MEGF10: variants seen among roughly 807,000 people sequenced by gnomAD.
MEGF10 encodes multiple EGF like domains 10.
MEGF10 carries 86 observed loss-of-function variants against 147.5 expected under a neutral mutation model. The ratio of observed to expected loss-of-function variants is 0.58; its 90% CI spans 0.49 to 0.70. MEGF10 has a LOEUF of 0.70. MEGF10 is among the 30% of genes least tolerant of loss of function. MEGF10 has a pLI of 0.00. For missense variants in MEGF10, 1,329 were observed against 1,487.3 expected (o/e 0.89, Z 1.75); for synonymous variants, 478 against 525.5 (o/e 0.91, Z 1.24).
chr5:127,373,163 T>C (rs1447198107), intron 5 of MEGF10, among the ~76,000 whole-genome samples: 1 of 152,210 alleles, frequency 6.6e-6, no homozygotes, highest in Non-Finnish European at 1.5e-5. Flanking sequence ...TTTTTTTGTT[T>C]TGTTTTTAGA....
chr5:127,243,029 T>C, the MEGF10 span, among the ~76,000 whole-genome samples: 1 of 152,096 alleles, frequency 6.6e-6, no homozygotes, highest in African/African-American at 2.4e-5. Context: ...CAAAACTGAG[T>C]TATATATTAA....
intron 4 of MEGF10, among the ~76,000 whole-genome samples, chr5:127,369,699 G>T (rs2126860466): frequency 6.6e-6 from 1 of 152,324 alleles, no homozygotes; most frequent in East Asian, 1.9e-4. Flanking sequence ...TAGTAGAAAT[G>T]ATGGGATTTA....
chr5:127,414,414 T>C (rs1230306288), intron 9 of MEGF10, among the ~76,000 whole-genome samples: 1 of 152,058 alleles, frequency 6.6e-6, no homozygotes, highest in Non-Finnish European at 1.5e-5. Context: ...CTCAGCACAT[T>C]GCTGAGACTT....
chr5:127,373,381 A>T (rs1005879107), intron 5 of MEGF10, among the ~76,000 whole-genome samples: 18 of 152,114 alleles, frequency 1.2e-4, no homozygotes, highest in African/African-American at 4.3e-4. Flanking sequence ...TGAAGTCCTG[A>T]CCTCAGTTGA....
At chr5:127,247,343 A>C in the MEGF10 span, among the ~76,000 whole-genome samples, 1 of 2,164 alleles carries the variant, frequency 4.6e-4, no homozygotes, top group Admixed American at 9.8e-3. Context: ...AAGAAGAAGA[A>C]GAAGAAGAAG....
the MEGF10 span, among the ~76,000 whole-genome samples, chr5:127,258,290 G>C: frequency 6.6e-6 from 1 of 152,094 alleles, no homozygotes; most frequent in Non-Finnish European, 1.5e-5. Flanking sequence ...TAAGAGTTTG[G>C]AATACAAATG....
the MEGF10 span, among the ~76,000 whole-genome samples, chr5:127,238,914 G>A: frequency 2.6e-5 from 4 of 151,350 alleles, no homozygotes; most frequent in Admixed American, 1.3e-4. Flanking sequence ...GAACTCAATA[G>A]GTTAGAAAAG....
chr5:127,435,477 G>T lies in MEGF10; in HGVS notation c.2092G>T (p.Asp698Tyr). ...GTGTTACCCCGGTTGGATTGGCAGTGACTGCTCTCAACGTAAGTCTTGTTT... is the reference window on the plus strand; with the variant it reads ...GTGTTACCCCGGTTGGATTGGCAGTTACTGCTCTCAACGTAAGTCTTGTTT... ...CQCYPGWIGS[D>Y]CSQPCPPAHW... The change falls in exon 16 of 25, where the codon GAC (aspartate) becomes TAC (tyrosine). Residue 698 changes from aspartate to tyrosine, a missense_variant. Asp to Tyr is a radical substitution (Grantham distance 160, BLOSUM62 -3). Transcript: ENST00000503335. The T allele has an allele frequency of 6.2e-7, 1 of 1,613,646 alleles. No homozygotes were observed. Among genetic ancestry groups the T allele is most frequent in the South Asian group, 1.1e-5 (1 of 90,920 alleles).
At chr5:127,247,336 AAG>A in the MEGF10 span, among the ~76,000 whole-genome samples, 4 of 3,768 alleles carry the variant, frequency 1.1e-3, 1 homozygote, top group Non-Finnish European at 2.7e-3. Context: ...GAAGAAGAAG[AAG>A]AAGAAGAAGA....
At chr5:127,360,554 T>G (rs549092810) in intron 4 of MEGF10, among the ~76,000 whole-genome samples, 1 of 152,106 alleles carries the variant, frequency 6.6e-6, no homozygotes, top group South Asian at 2.1e-4. Context: ...CCTTGTTCTG[T>G]TGTTAATCTT....
intron 13 of MEGF10, among the ~76,000 whole-genome samples, chr5:127,429,104 G>A (rs918176433): frequency 6.6e-6 from 1 of 152,194 alleles, no homozygotes; most frequent in African/African-American, 2.4e-5. Context: ...GATGGCTGCA[G>A]ATTTAAACCT....
intron 1 of MEGF10, among the ~76,000 whole-genome samples, chr5:127,294,399 T>G (rs1265979611): frequency 6.6e-6 from 1 of 152,196 alleles, no homozygotes. Context: ...TAGTCAACAT[T>G]TTCTTAGCAG....
Position 127,417,333 on chromosome 5 carries a change from T to G in MEGF10, c.1131-305T>G, listed in dbSNP as rs138060357. Among the ~76,000 whole-genome samples, 39 of 152,314 alleles carry G rather than the reference T, an allele frequency of 2.6e-4. 1 individual carries two copies. In the East Asian group the frequency reaches 7.5e-3, roughly 29 times the overall value. On this transcript the variant is annotated intron_variant, in intron 9 of 24. Transcript: ENST00000503335. ...GTTTTTTTAGCTCCTCTCATAGAGTTGACCTCTTACAAAATTAGTGCATTC... is the reference window on the plus strand; with the variant it reads ...GTTTTTTTAGCTCCTCTCATAGAGTGGACCTCTTACAAAATTAGTGCATTC...
At chr5:127,447,080 G>C (rs1253534450) in intron 20 of MEGF10, among the ~76,000 whole-genome samples, 1 of 152,194 alleles carries the variant, frequency 6.6e-6, no homozygotes, top group Admixed American at 6.5e-5. Flanking sequence ...GTAGAGGCCT[G>C]TTGCTTCTAG....
the MEGF10 span, among the ~76,000 whole-genome samples, chr5:127,264,705 C>T: frequency 0.017 from 2,511 of 152,056 alleles, 59 homozygotes; most frequent in East Asian, 0.086. Context: ...TGTCCTGGCT[C>T]GGTCTAAGTA....
At chr5:127,393,734 G>C (rs183387971) in intron 5 of MEGF10, among the ~76,000 whole-genome samples, 1 of 152,112 alleles carries the variant, frequency 6.6e-6, no homozygotes, top group East Asian at 1.9e-4. Flanking sequence ...TGAAAAGCCT[G>C]AAACCCATTT....
chr5:127,348,125 G>A (rs1761959559), intron 4 of MEGF10, among the ~76,000 whole-genome samples: 1 of 152,020 alleles, frequency 6.6e-6, no homozygotes, highest in Admixed American at 6.6e-5. Flanking sequence ...GAGGTTTAAA[G>A]TAATTCTCAT....
At chr5:127,253,552 A>C in the MEGF10 span, among the ~76,000 whole-genome samples, 7,172 of 152,106 alleles carry the variant, frequency 0.047, 282 homozygotes, top group African/African-American at 0.1. Flanking sequence ...GATTCTCTAC[A>C]TAGAAAACTG....
chr5:127,261,772 G>GT, the MEGF10 span, among the ~76,000 whole-genome samples: 4 of 151,948 alleles, frequency 2.6e-5, no homozygotes, highest in Non-Finnish European at 4.4e-5. Flanking sequence ...CTTATTATCT[G>GT]TTTTTTAAAA....
Sources: gnomAD v4.1 joint callset for allele counts (sites outside exome capture counted in the v4.1 genomes callset) on GRCh38, gnomAD v4.1.1 for gene constraint, MANE v1.5 for transcripts, NCBI Gene and HGNC (gene_info 2026-07-23, HGNC 2026-07-21) for gene names.